The following HDAC9 variants were observed in gnomAD, a reference collection of about 807,000 sequenced individuals.
HDAC9 encodes MEF-2 interacting transcription repressor (MITR) protein.
Under a neutral mutation model 139.4 loss-of-function variants are expected in HDAC9, and 41 were observed. The observed-to-expected ratio is 0.29, with a 90% CI of 0.23 to 0.38. The LOEUF (loss-of-function observed/expected upper bound fraction) is 0.38, where lower values mean the gene tolerates loss of function less well. Ranked by LOEUF, HDAC9 falls within the 10% of genes least tolerant of loss-of-function variation. The pLI, the probability that HDAC9 is intolerant of heterozygous loss-of-function variation, is 1.00. For synonymous variants in HDAC9, 517 were observed against 476.2 expected (o/e 1.09, Z -1.12); for missense variants, 1,147 against 1,297.0 (o/e 0.88, Z 1.78).
At chr7:18,133,106 A>G (rs1785134272) in intron 1 of HDAC9, among the ~76,000 whole-genome samples, 1 of 152,072 alleles carries the variant, frequency 6.6e-6, no homozygotes. Flanking sequence ...ACTTCTTCCC[A>G]CCCTCAGCTC....
chr7:18,975,661 A>C (rs985868598), intron 24 of HDAC9, 145 bp from the exon 25 acceptor site: 1 of 735,708 alleles, frequency 1.4e-6, no homozygotes, highest in African/African-American at 1.8e-5. Context: ...AGACCCAATC[A>C]TAACAGTTAA....
chr7:18,369,094 G>T (rs927588998), intron 1 of HDAC9, among the ~76,000 whole-genome samples: 1 of 151,730 alleles, frequency 6.6e-6, no homozygotes, highest in African/African-American at 2.4e-5. Context: ...TCTACTTCAG[G>T]ATCTTTTATA....
At chr7:18,808,060 G>A (rs1370280417) in intron 17 of HDAC9, 2 of 152,176 alleles carry the variant, frequency 1.3e-5, no homozygotes, top group African/African-American at 4.8e-5. Flanking sequence ...CATGTTTGGA[G>A]ATTCTATCAG....
intron 22 of HDAC9, among the ~76,000 whole-genome samples, chr7:18,887,316 T>A (rs1171565726): frequency 6.6e-6 from 1 of 152,110 alleles, no homozygotes; most frequent in Non-Finnish European, 1.5e-5. Flanking sequence ...AGCTCTCAGG[T>A]GATGCTGATA....
intron 13 of HDAC9, among the ~76,000 whole-genome samples, chr7:18,737,962 C>G (rs936052723): frequency 1.3e-5 from 2 of 152,122 alleles, no homozygotes; most frequent in African/African-American, 4.8e-5. Flanking sequence ...GTGCATATAT[C>G]TTTAGGATAG....
At chr7:18,814,138 C>T (rs1794394124) in intron 17 of HDAC9, among the ~76,000 whole-genome samples, 1 of 152,158 alleles carries the variant, frequency 6.6e-6, no homozygotes. Context: ...CTACATCACT[C>T]CCCGCTCTAA....
chr7:18,959,589 G>A (rs910780006), intron 24 of HDAC9, among the ~76,000 whole-genome samples: 6 of 152,074 alleles, frequency 3.9e-5, no homozygotes, highest in African/African-American at 1.2e-4. Context: ...GAATTCCATC[G>A]TAATCTTCTC....
intron 17 of HDAC9, among the ~76,000 whole-genome samples, chr7:18,800,339 A>G (rs1793179755): frequency 6.6e-6 from 1 of 152,112 alleles, no homozygotes; most frequent in African/African-American, 2.4e-5. Context: ...CTAGATCTTG[A>G]CATTTTCTTT....
At chr7:18,932,500 A>C (rs1451057402) in intron 22 of HDAC9, among the ~76,000 whole-genome samples, 1 of 152,112 alleles carries the variant, frequency 6.6e-6, no homozygotes, top group Non-Finnish European at 1.5e-5. Context: ...GTTGTTGACT[A>C]CCCTGGGGGC....
intron 1 of HDAC9, among the ~76,000 whole-genome samples, chr7:18,457,226 ATGCAGTTC>A (rs1335994085): frequency 1.3e-5 from 2 of 152,234 alleles, no homozygotes; most frequent in African/African-American, 4.8e-5. Flanking sequence ...GAAAATGTGC[ATGCAGTTC>A]TGCTCCCATT....
intron 2 of HDAC9, among the ~76,000 whole-genome samples, chr7:18,234,929 T>C (rs543853241): frequency 1.4e-4 from 22 of 152,246 alleles, no homozygotes; most frequent in Admixed American, 3.9e-4. Context: ...AGCCAGAATG[T>C]GGGGTTTTTG....
At chr7:18,520,136 A>G (rs1212079775) in intron 2 of HDAC9, among the ~76,000 whole-genome samples, 2 of 152,148 alleles carry the variant, frequency 1.3e-5, no homozygotes, top group East Asian at 3.8e-4. Flanking sequence ...TTATATCAGT[A>G]TGTTTATTAA....
intron 7 of HDAC9, 81 bp from the exon 8 acceptor site, chr7:18,634,546 C>T: frequency 1.2e-6 from 1 of 808,982 alleles, no homozygotes; most frequent in East Asian, 2.9e-5. Flanking sequence ...AATAACATGC[C>T]CAATGTTACA....
Position 18,666,703 on chromosome 7 carries a change from C to A in HDAC9, c.1731+227C>A, listed in dbSNP as rs148498608. The A allele has an allele frequency of 7.7e-6, 10 of 1,304,012 alleles. No individual in the cohort carries two copies. In the African/African-American group the frequency reaches 1.5e-4, roughly 20 times the overall value. The allele number at this position is 1,304,012 out of a possible 1,614,324, so 80.8% of individuals were successfully genotyped here. On this transcript the variant is annotated intron_variant, in intron 12 of 25. Coordinates refer to ENST00000686413, the MANE Select transcript of HDAC9 (RefSeq NM_178425.4). ...TAGATATCAATGTTTCATTGAAAAT[C>A]CACTGGTAAGGAAATACCTGTTATA...
At chr7:18,372,374 C>T (rs1784658668) in intron 1 of HDAC9, among the ~76,000 whole-genome samples, 1 of 152,214 alleles carries the variant, frequency 6.6e-6, no homozygotes, top group African/African-American at 2.4e-5. Flanking sequence ...CTTCTCAAAC[C>T]TCCAAACCAG....
chr7:18,277,377 G>A (rs994680514), intron 2 of HDAC9, among the ~76,000 whole-genome samples: 1 of 152,140 alleles, frequency 6.6e-6, no homozygotes, highest in African/African-American at 2.4e-5. Flanking sequence ...GAGACGAGAT[G>A]GGGCAGACAA....
chr7:18,512,653 T>A (rs919559854), intron 2 of HDAC9, among the ~76,000 whole-genome samples: 1 of 152,314 alleles, frequency 6.6e-6, no homozygotes, highest in East Asian at 1.9e-4. Flanking sequence ...AAGAAGTAAA[T>A]CTTATTTCCA....
chr7:18,335,249 TG>T (rs1263903905), intron 1 of HDAC9, among the ~76,000 whole-genome samples: 1 of 151,476 alleles, frequency 6.6e-6, no homozygotes, highest in Non-Finnish European at 1.5e-5. Context: ...AAGAAATACA[TG>T]TAATGCAGGG....
chr7:18,165,653 G>A (rs1041170675), intron 2 of HDAC9, among the ~76,000 whole-genome samples: 2 of 151,980 alleles, frequency 1.3e-5, no homozygotes, highest in Non-Finnish European at 2.9e-5. Context: ...TGCTTGGCAT[G>A]GTGGTGCATG....
Sources: gnomAD v4.1 joint callset for allele counts (sites outside exome capture counted in the v4.1 genomes callset) on GRCh38, gnomAD v4.1.1 for gene constraint, MANE v1.5 for transcripts, NCBI Gene and HGNC (gene_info 2026-07-23, HGNC 2026-07-21) for gene names.